Variants in GPM6A observed in about 807,000 individuals in gnomAD.
GPM6A encodes the protein neuronal membrane glycoprotein M6-a.
In GPM6A, 7 loss-of-function variants were observed where a neutral mutation model predicts 32.1. The observed-to-expected ratio is 0.22, with a 90% CI of 0.12 to 0.41. GPM6A has a LOEUF of 0.41. Ranked by LOEUF, GPM6A falls within the 10% of genes least tolerant of loss-of-function variation. GPM6A has a pLI of 1.00. For synonymous variants in GPM6A, 130 were observed against 123.4 expected (o/e 1.05, Z -0.35); for missense variants, 235 against 347.2 (o/e 0.68, Z 2.57).
At chr4:175,743,251 T>C (rs944766101) in intron 1 of GPM6A, among the ~76,000 whole-genome samples, 3 of 151,932 alleles carry the variant, frequency 2.0e-5, no homozygotes, top group Non-Finnish European at 4.4e-5. Context: ...TCCATAATAG[T>C]TCATGATGAG....
chr4:175,871,245 C>A (rs4690639), intron 1 of GPM6A, among the ~76,000 whole-genome samples: 60,234 of 151,794 alleles, frequency 0.4, 12,702 homozygotes, highest in African/African-American at 0.56. Context: ...GAGGCAGACG[C>A]ATCACCTGAG....
At chr4:175,677,243 C>T (rs985948055) in intron 2 of GPM6A, among the ~76,000 whole-genome samples, 2 of 152,142 alleles carry the variant, frequency 1.3e-5, no homozygotes, top group Non-Finnish European at 2.9e-5. Flanking sequence ...ATAAGTAATA[C>T]ATTTTCATTG....
chr4:175,655,049 T>TA (rs1470952295), intron 3 of GPM6A, among the ~76,000 whole-genome samples: 1 of 152,140 alleles, frequency 6.6e-6, no homozygotes, highest in African/African-American at 2.4e-5. Flanking sequence ...AGTGTGTTGT[T>TA]ACTGCTACTT....
chr4:175,983,077 C>A (rs558370312), intron 1 of GPM6A, among the ~76,000 whole-genome samples: 1 of 152,106 alleles, frequency 6.6e-6, no homozygotes, highest in African/African-American at 2.4e-5. Flanking sequence ...TCCCTGGTAT[C>A]AAGTTAAATA....
chr4:175,887,401 T>C (rs1256169570), intron 1 of GPM6A, among the ~76,000 whole-genome samples: 1 of 151,952 alleles, frequency 6.6e-6, no homozygotes, highest in East Asian at 1.9e-4. Context: ...CATCAAAATG[T>C]ACAGGAATGC....
At chr4:176,001,038 TGA>T (rs1561029976) in intron 1 of GPM6A, among the ~76,000 whole-genome samples, 2 of 152,206 alleles carry the variant, frequency 1.3e-5, no homozygotes, top group Non-Finnish European at 2.9e-5. Context: ...ATGAAAGTCT[TGA>T]TCACAGCTAA....
chr4:175,772,570 A>C (rs1733234255), intron 1 of GPM6A, among the ~76,000 whole-genome samples: 1 of 152,102 alleles, frequency 6.6e-6, no homozygotes, highest in Non-Finnish European at 1.5e-5. Flanking sequence ...CATTCTGCTG[A>C]GTTTTGAGCC....
At chr4:175,775,572 T>A (rs1476454804) in intron 1 of GPM6A, among the ~76,000 whole-genome samples, 1 of 151,032 alleles carries the variant, frequency 6.6e-6, no homozygotes, top group Non-Finnish European at 1.5e-5. Flanking sequence ...CAAAATCAAG[T>A]AAAAAAAAAT....
At chr4:175,870,223 C>T (rs1736864459) in intron 1 of GPM6A, among the ~76,000 whole-genome samples, 1 of 152,008 alleles carries the variant, frequency 6.6e-6, no homozygotes, top group African/African-American at 2.4e-5. Context: ...CTTTAAAATA[C>T]AAGATCTGCT....
At chr4:175,887,572 A>C (rs1737501144) in intron 1 of GPM6A, among the ~76,000 whole-genome samples, 1 of 151,960 alleles carries the variant, frequency 6.6e-6, no homozygotes, top group African/African-American at 2.4e-5. Context: ...GAATTTAAAA[A>C]ATCAAGAATA....
upstream of GPM6A, among the ~76,000 whole-genome samples, chr4:175,815,260 C>T (rs774253241): frequency 9.2e-5 from 14 of 152,110 alleles, no homozygotes; most frequent in Non-Finnish European, 1.9e-4. Flanking sequence ...GGTGATCCAC[C>T]CACCTCGGCC....
At chr4:175,803,110 C>T (rs1169611592) in intron 1 of GPM6A, among the ~76,000 whole-genome samples, 3 of 151,914 alleles carry the variant, frequency 2.0e-5, no homozygotes, top group Non-Finnish European at 2.9e-5. Context: ...TCCTCTTTAT[C>T]CTCTTCTTTT....
At chr4:175,961,984 C>A in intron 1 of GPM6A, 1 of 533,936 alleles carries the variant, frequency 1.9e-6, no homozygotes, top group Non-Finnish European at 3.5e-6. Flanking sequence ...AGCAATAGGG[C>A]TCTTGTATAT....
intron 1 of GPM6A, among the ~76,000 whole-genome samples, chr4:175,920,711 CGG>C (rs1485177182): frequency 6.6e-6 from 1 of 151,640 alleles, no homozygotes; most frequent in Non-Finnish European, 1.5e-5. Context: ...TAGCCAGGTG[CGG>C]TGGTGCGTGC....
In GPM6A at chr4:175,980,739, G is replaced by A. The variant is rs570283418; in HGVS notation, c.-23+21570C>T. ...TTGGCAATAATAATAGTGATGTGAC[G>A]ACTGAAAAGATTTATGTACAGGTCA... is the stretch of plus-strand genomic sequence containing the variant. On this transcript the variant is annotated intron_variant, in intron 1 of 7. Transcript: ENST00000280187. 4.6e-5 allele frequency among the ~76,000 whole-genome samples: 7 copies of A among 152,170 alleles called. No individual in the cohort carries two copies. In the East Asian group the frequency reaches 5.8e-4, roughly 13 times the overall value.
intron 1 of GPM6A, chr4:175,788,051 G>T (rs1445070670): frequency 6.6e-6 from 1 of 151,858 alleles, no homozygotes; most frequent in Admixed American, 6.6e-5. Flanking sequence ...CTTTATTTCA[G>T]ATTTGATTTT....
At chr4:175,886,205 C>T (rs1238348695) in intron 1 of GPM6A, among the ~76,000 whole-genome samples, 2 of 151,982 alleles carry the variant, frequency 1.3e-5, no homozygotes, top group African/African-American at 4.8e-5. Context: ...AGGGTTTCTA[C>T]AACTGTACTC....
chr4:175,727,590 T>C (rs1410502164), intron 1 of GPM6A, among the ~76,000 whole-genome samples: 1 of 152,224 alleles, frequency 6.6e-6, no homozygotes, highest in African/African-American at 2.4e-5. Context: ...GTGGTCTGAT[T>C]TGCCATGGAT....
intron 3 of GPM6A, among the ~76,000 whole-genome samples, chr4:175,670,881 T>TTTTTA (rs1743020889): frequency 7.6e-6 from 1 of 132,366 alleles, no homozygotes. Context: ...TTTTTTTTTT[T>TTTTTA]GAGACAAAGT....
Sources: gnomAD v4.1 joint callset for allele counts (sites outside exome capture counted in the v4.1 genomes callset) on GRCh38, gnomAD v4.1.1 for gene constraint, MANE v1.5 for transcripts, NCBI Gene and HGNC (gene_info 2026-07-23, HGNC 2026-07-21) for gene names.